The following PRR14L variants were observed in gnomAD, a reference collection of about 807,000 sequenced individuals.
PRR14L encodes the protein protein PRR14L.
In PRR14L, 80 loss-of-function variants were observed where a neutral mutation model predicts 155.0. That is an observed-to-expected ratio of 0.52 (90% CI 0.43 to 0.62). The LOEUF is 0.62. PRR14L is among the 20% of genes least tolerant of loss of function. The pLI is 0.00. For synonymous variants in PRR14L, 883 were observed against 916.0 expected (o/e 0.96, Z 0.65); for missense variants, 2,469 against 2,548.0 (o/e 0.97, Z 0.67).
At chr22:31,712,009 C>T in intron 4 of PRR14L, 74 bp downstream of exon 4, 1 of 1,365,680 alleles carries the variant, frequency 7.3e-7, no homozygotes, top group Non-Finnish European at 1.0e-6. Flanking sequence ...GCATTTCCCG[C>T]AGTTCCCCTC....
rs1435520325 is a variant in PRR14L, at chr22:31,685,463, A to C, written c.*64T>G. ...TCCAAGGAGGTCCAAAAAAAAAAAA[A>C]AAACCCAAAAACAAAACAAAACAAA... On this transcript the variant is annotated 3_prime_UTR_variant, in exon 9 of 9. Coordinates refer to ENST00000327423, the MANE Select transcript of PRR14L (RefSeq NM_173566.3). 7 of 1,415,552 alleles carry C rather than the reference A, an allele frequency of 4.9e-6. No individual in the cohort carries two copies. Among genetic ancestry groups the C allele is most frequent in the Non-Finnish European group, 4.7e-6 (5 of 1,064,558 alleles). 87.7% of individuals were successfully genotyped at this position (1,415,552 alleles called of 1,614,324 possible).
At chr22:31,737,901 C>A (rs2074790911) in intron 2 of PRR14L, among the ~76,000 whole-genome samples, 1 of 151,718 alleles carries the variant, frequency 6.6e-6, no homozygotes, top group South Asian at 2.1e-4. Context: ...ATAATCACAG[C>A]TAATTTGGGA....
intron 6 of PRR14L, among the ~76,000 whole-genome samples, chr22:31,702,484 G>T (rs908934404): frequency 2.0e-5 from 3 of 152,080 alleles, no homozygotes; most frequent in Admixed American, 2.0e-4. Flanking sequence ...GCCACCCAAA[G>T]TGCTAGGATT....
At chr22:31,740,214 CCTGG>C (rs925238742) in intron 1 of PRR14L, among the ~76,000 whole-genome samples, 57 of 151,548 alleles carry the variant, frequency 3.8e-4, no homozygotes, top group African/African-American at 1.3e-3. Context: ...CATCACCACA[CCTGG>C]CTAATTTTTT....
intron 4 of PRR14L, among the ~76,000 whole-genome samples, chr22:31,705,694 G>C (rs2074587281): frequency 6.6e-6 from 1 of 151,834 alleles, no homozygotes; most frequent in Non-Finnish European, 1.5e-5. Flanking sequence ...TTAAAGCCAA[G>C]TTACACATAA....
chr22:31,686,255 C>T (rs894159746), intron 8 of PRR14L, among the ~76,000 whole-genome samples: 44 of 150,508 alleles, frequency 2.9e-4, no homozygotes, highest in African/African-American at 9.8e-4. Context: ...CCCACCACCA[C>T]GCCCGGCTAA....
rs905113344 is a variant in PRR14L, at chr22:31,713,396, C to A, written c.4443G>T (p.Glu1481Asp). 3 of 1,552,002 alleles carry A rather than the reference C, an allele frequency of 1.9e-6. No homozygotes were observed. The highest frequency in any genetic ancestry group is 2.6e-6 in the Non-Finnish European group (3 of 1,147,078). ...RLHHPLRKDT[E>D]SCTSPCLLGA... is the part of the protein sequence containing the mutation. Reference sequence around the variant, plus strand: ...CAAGAAGGCAAGGACTTGTGCATGACTCAGTGTCCTTCCTTAATGGATGAT... The same window carrying A: ...CAAGAAGGCAAGGACTTGTGCATGAATCAGTGTCCTTCCTTAATGGATGAT... Residue 1481 changes from glutamate to aspartate, a missense_variant, in exon 4 of 9, where the codon GAG becomes GAT. By Grantham distance (45) the Glu-to-Asp change is conservative (BLOSUM62 2). This residue lies in a region of PRR14L where 2,363 missense variants were observed against 2,371.6 expected (regional missense o/e 1.00). Coordinates refer to ENST00000327423, the MANE Select transcript of PRR14L (RefSeq NM_173566.3).
chr22:31,710,487 C>T (rs940005574), intron 4 of PRR14L, among the ~76,000 whole-genome samples: 1 of 151,354 alleles, frequency 6.6e-6, no homozygotes, highest in Non-Finnish European at 1.5e-5. Flanking sequence ...GAGTCTCACT[C>T]TGTCGCCCAG....
At position 31,716,858 on chromosome 22, in the gene PRR14L, A is replaced by G; in HGVS notation, c.981T>C (p.His327=). 2 of 1,551,904 alleles carry G rather than the reference A, an allele frequency of 1.3e-6. No homozygotes were observed. The highest frequency in any genetic ancestry group is 2.4e-5 in the South Asian group (2 of 84,058). The change falls in exon 4 of 9, where the codon CAT becomes CAC. Residue 327 remains histidine (H), a synonymous_variant. Coordinates refer to ENST00000327423, the MANE Select transcript of PRR14L (RefSeq NM_173566.3). ...AAGGGCTTGTGGCTGTGGGACTATC[A>G]TGTGTAGAACTGGGTTGTTCATTAT... The part of the protein sequence containing the change: ...GHHNEQPSST[H]DSPTATSPLK...
intron 1 of PRR14L, among the ~76,000 whole-genome samples, chr22:31,739,326 G>A (rs575178133): frequency 2.0e-5 from 3 of 152,250 alleles, no homozygotes; most frequent in Admixed American, 6.5e-5. Flanking sequence ...CCCATAGTAC[G>A]TACTCGGCAA....
chr22:31,726,935 G>C (rs2074719466), intron 2 of PRR14L, among the ~76,000 whole-genome samples: 1 of 152,178 alleles, frequency 6.6e-6, no homozygotes. Context: ...CAACAGAGCT[G>C]TCACGGACAG....
At position 31,714,377 on chromosome 22, in the gene PRR14L, A is replaced by T; in HGVS notation, c.3462T>A (p.His1154Gln). The change falls in exon 4 of 9, where the codon CAT becomes CAA. Residue 1154 changes from histidine (H) to glutamine (Q), a missense_variant. This residue lies in a region of PRR14L where 2,363 missense variants were observed against 2,371.6 expected (regional missense o/e 1.00). Coordinates refer to ENST00000327423, the MANE Select transcript of PRR14L (RefSeq NM_173566.3). The part of the protein sequence containing the change: ...EMEKCPDSCA[H>Q]EMESVADHEP... ...CATGATCTGCAACAGACTCCATCTC[A>T]TGGGCACAAGAGTCTGGACACTTTT... 1 of 1,551,674 alleles carries T rather than the reference A, an allele frequency of 6.4e-7. No homozygotes were observed. Among genetic ancestry groups the T allele is most frequent in the East Asian group, 2.4e-5 (1 of 40,922 alleles).
chr22:31,733,137 G>C (rs1436740955), intron 2 of PRR14L, among the ~76,000 whole-genome samples: 2 of 151,618 alleles, frequency 1.3e-5, no homozygotes, highest in South Asian at 4.2e-4. Flanking sequence ...ACAGGCGACC[G>C]CCACACGCCC....
At position 31,715,279 on chromosome 22, in the gene PRR14L, G is replaced by A; in HGVS notation, c.2560C>T (p.Gln854Ter). Residue 854 changes from glutamine (Q) to a stop codon, truncating the protein, a stop_gained, in exon 4 of 9, where the codon CAG becomes TAG. Coordinates refer to ENST00000327423, the MANE Select transcript of PRR14L (RefSeq NM_173566.3). LOFTEE classifies it high-confidence loss of function. ...KSSCKVSYTS[Q>*]ERELDGKETN... ...TCTTTCCCATCAAGTTCCCTTTCCT[G>A]TGATGTGTAACTCACTTTACAGCTG... 6.4e-7 allele frequency: 1 copy of A among 1,552,182 alleles called. No individual in the cohort carries two copies.
Position 31,715,751 on chromosome 22 carries a change from A to T in PRR14L, c.2088T>A (p.Gly696=), listed in dbSNP as rs1170282826. Residue 696 remains glycine, a synonymous_variant, in exon 4 of 9, where the codon GGT becomes GGA. Transcript: ENST00000327423. The part of the protein sequence containing the change: ...AHQSHHPPLE[G]RADVIADIQT... ...GTATATCAGCAATGACATCTGCTCT[A>T]CCCTCTAATGGAGGGTGATGGCTCT... 4 of 1,552,084 alleles carry T rather than the reference A, an allele frequency of 2.6e-6. No individual in the cohort carries two copies. The highest frequency in any genetic ancestry group is 3.5e-6 in the Non-Finnish European group (4 of 1,147,038).
chr22:31,699,333 T>C (rs1318154614), intron 7 of PRR14L, among the ~76,000 whole-genome samples: 1 of 152,222 alleles, frequency 6.6e-6, no homozygotes, highest in Admixed American at 6.5e-5. Context: ...CCACTGCTCC[T>C]GGCCTCATGT....
rs753724648 is a variant in PRR14L at position 31,715,749 on chromosome 22, C to T, written c.2090G>A (p.Arg697Lys). 5 of 1,551,752 alleles carry T rather than the reference C, an allele frequency of 3.2e-6. No homozygotes were observed. The South Asian group carries it at 4.8e-5, about 15-fold the overall frequency. ...TTGTATATCAGCAATGACATCTGCT[C>T]TACCCTCTAATGGAGGGTGATGGCT... ...HQSHHPPLEGRADVIADIQTI... is the reference protein window; with the variant it reads ...HQSHHPPLEGKADVIADIQTI... The change falls in exon 4 of 9, where the codon AGA becomes AAA. Residue 697 changes from arginine (R) to lysine (K), a missense_variant. Transcript: ENST00000327423.
At chr22:31,729,714 T>C (rs2074737399) in intron 2 of PRR14L, among the ~76,000 whole-genome samples, 1 of 152,124 alleles carries the variant, frequency 6.6e-6, no homozygotes. Context: ...GTCAAATTCA[T>C]AGAGACAGAA....
At chr22:31,723,056 G>C (rs187432748) in intron 3 of PRR14L, among the ~76,000 whole-genome samples, 1 of 152,148 alleles carries the variant, frequency 6.6e-6, no homozygotes, top group Non-Finnish European at 1.5e-5. Flanking sequence ...CTATGACTTT[G>C]GACAGCTGAG....
Sources: allele counts gnomAD v4.1 joint callset (sites outside exome capture counted in the v4.1 genomes callset), GRCh38; gene constraint gnomAD v4.1.1; regional missense constraint gnomAD v4.1.1; transcripts MANE v1.5; gene names NCBI Gene and HGNC (gene_info 2026-07-23, HGNC 2026-07-21).